The following NLGN1 variants were observed in gnomAD, a reference collection of about 807,000 sequenced individuals.
NLGN1 encodes neuroligin 1.
Under a neutral mutation model 65.5 loss-of-function variants are expected in NLGN1, and 12 were observed. That is an observed-to-expected ratio of 0.18 (90% confidence interval 0.12 to 0.30). The LOEUF (loss-of-function observed/expected upper bound fraction) is 0.30. Among genes scored for constraint, NLGN1 ranks in the 10% least tolerant of loss-of-function variants. The pLI is 1.00. For synonymous variants in NLGN1, 350 were observed against 359.5 expected, an observed-to-expected ratio of 0.97 and a Z score of 0.30; for missense variants, 750 against 1,007.1, an observed-to-expected ratio of 0.74 and a Z score of 3.46.
At chr3:173,842,379 C>T (rs1171873056) in intron 4 of NLGN1, among the ~76,000 whole-genome samples, 1 of 152,090 alleles carries the variant, frequency 6.6e-6, no homozygotes, top group Non-Finnish European at 1.5e-5. Context: ...CCCAACAGTC[C>T]CCCAATGTCT....
chr3:173,435,837 G>GA (rs577104263), intron 2 of NLGN1, among the ~76,000 whole-genome samples: 329 of 151,660 alleles, frequency 2.2e-3, no homozygotes, highest in African/African-American at 7.6e-3. Context: ...TCCCTTTAAA[G>GA]AAAAAAAATA....
At chr3:174,063,658 G>A (rs1737876730) in intron 4 of NLGN1, among the ~76,000 whole-genome samples, 2 of 150,830 alleles carry the variant, frequency 1.3e-5, no homozygotes, top group Admixed American at 6.6e-5. Context: ...TAGCAAAAAT[G>A]GTAATGTGTG....
At chr3:173,837,286 C>T (rs1723812827) in intron 4 of NLGN1, among the ~76,000 whole-genome samples, 1 of 151,946 alleles carries the variant, frequency 6.6e-6, no homozygotes, top group Non-Finnish European at 1.5e-5. Context: ...GTTTTTAATA[C>T]ATATAAAATT....
intron 2 of NLGN1, among the ~76,000 whole-genome samples, chr3:173,564,941 G>A (rs73880507): frequency 0.011 from 1,697 of 152,236 alleles, 26 homozygotes; most frequent in African/African-American, 0.039. Context: ...GCTGGACACT[G>A]AGAATATAGT....
chr3:174,231,009 G>A (rs946192745), intron 4 of NLGN1, among the ~76,000 whole-genome samples: 5 of 152,122 alleles, frequency 3.3e-5, no homozygotes, highest in Non-Finnish European at 7.3e-5. Flanking sequence ...TTTGAGGAAG[G>A]GCTGTTACTG....
At chr3:173,829,254 A>T (rs140914826) in intron 4 of NLGN1, among the ~76,000 whole-genome samples, 58 of 152,254 alleles carry the variant, frequency 3.8e-4, no homozygotes, top group African/African-American at 1.4e-3. Context: ...GTTAGGGTAG[A>T]TTAAATTTGA....
At chr3:174,061,623 A>G (rs1369593190) in intron 4 of NLGN1, among the ~76,000 whole-genome samples, 1 of 152,188 alleles carries the variant, frequency 6.6e-6, no homozygotes, top group African/African-American at 2.4e-5. Flanking sequence ...CTGGAGGTAC[A>G]AGAATAGCTA....
At chr3:173,571,490 C>T (rs138287343) in intron 2 of NLGN1, among the ~76,000 whole-genome samples, 1,960 of 152,218 alleles carry the variant, frequency 0.013, 41 homozygotes, top group African/African-American at 0.045. Context: ...CTCAAGTTCC[C>T]ATACCTAAAA....
chr3:173,429,436 C>G (rs1480669144), intron 1 of NLGN1, among the ~76,000 whole-genome samples: 1 of 152,132 alleles, frequency 6.6e-6, no homozygotes, highest in East Asian at 1.9e-4. Flanking sequence ...CTCAAAACTA[C>G]TGTTTTGAAT....
At chr3:173,910,095 A>T (rs1474724168) in intron 4 of NLGN1, among the ~76,000 whole-genome samples, 6 of 152,194 alleles carry the variant, frequency 3.9e-5, no homozygotes, top group African/African-American at 1.4e-4. Flanking sequence ...GGCACTTGAC[A>T]CTACTGGGTT....
At chr3:174,135,846 C>T (rs1396696694) in intron 4 of NLGN1, among the ~76,000 whole-genome samples, 1 of 152,050 alleles carries the variant, frequency 6.6e-6, no homozygotes, top group Non-Finnish European at 1.5e-5. Flanking sequence ...TAGGAAAAGC[C>T]ATTTTTAAGA....
At chr3:173,464,026 T>C (rs1231182758) in intron 2 of NLGN1, among the ~76,000 whole-genome samples, 1 of 152,052 alleles carries the variant, frequency 6.6e-6, no homozygotes, top group Non-Finnish European at 1.5e-5. Context: ...ACATCCTCAA[T>C]CATTTCTAAA....
intron 3 of NLGN1, among the ~76,000 whole-genome samples, chr3:173,689,392 G>A (rs1203891038): frequency 6.6e-6 from 1 of 152,122 alleles, no homozygotes; most frequent in Non-Finnish European, 1.5e-5. Context: ...TGCTTGTAGA[G>A]TTCCTCTGAC....
chr3:174,108,209 A>G (rs777519117), intron 4 of NLGN1, among the ~76,000 whole-genome samples: 1 of 151,962 alleles, frequency 6.6e-6, no homozygotes, highest in Non-Finnish European at 1.5e-5. Flanking sequence ...TCTAAGAACT[A>G]TTTGTGTAAC....
At chr3:174,268,659 C>CTT (rs966562798) in intron 4 of NLGN1, among the ~76,000 whole-genome samples, 2 of 152,088 alleles carry the variant, frequency 1.3e-5, no homozygotes, top group African/African-American at 4.8e-5. Context: ...AATCTCACCT[C>CTT]TTTACCTTGT....
chr3:174,270,796 G>A (rs1749252868), intron 4 of NLGN1, among the ~76,000 whole-genome samples: 1 of 151,834 alleles, frequency 6.6e-6, no homozygotes, highest in Non-Finnish European at 1.5e-5. Context: ...AAAAGATAAG[G>A]AGAGTTAGCA....
At chr3:174,266,300 G>A (rs906956910) in intron 4 of NLGN1, among the ~76,000 whole-genome samples, 4 of 152,096 alleles carry the variant, frequency 2.6e-5, no homozygotes, top group Non-Finnish European at 4.4e-5. Context: ...CAGGTGAGAA[G>A]ATGCAGTATT....
chr3:174,207,377 G>A (rs1489105168), intron 4 of NLGN1, among the ~76,000 whole-genome samples: 3 of 152,072 alleles, frequency 2.0e-5, no homozygotes, highest in East Asian at 3.9e-4. Context: ...CACAGGATTT[G>A]GCATAAAGTA....
intron 2 of NLGN1, among the ~76,000 whole-genome samples, chr3:173,438,021 G>A (rs1382438654): frequency 7.0e-6 from 1 of 143,638 alleles, no homozygotes; most frequent in Non-Finnish European, 1.5e-5. Flanking sequence ...TGTTACTTTG[G>A]ATTTTTTTTT....
Sources: gnomAD v4.1 joint callset for allele counts (sites outside exome capture counted in the v4.1 genomes callset) on GRCh38, gnomAD v4.1.1 for gene constraint, MANE v1.5 for transcripts, NCBI Gene and HGNC (gene_info 2026-07-23, HGNC 2026-07-21) for gene names.